The following SPINK4 variants were observed in gnomAD, a reference collection of about 807,000 sequenced individuals.
SPINK4 encodes serine protease inhibitor Kazal-type 4.
In SPINK4, 10 loss-of-function variants were observed where a neutral mutation model predicts 12.3. The ratio of observed to expected loss-of-function variants is 0.81; its 90% CI spans 0.50 to 1.37. SPINK4 has a LOEUF of 1.37. Among genes scored for constraint, SPINK4 ranks in the 40% most tolerant of loss-of-function variants. The pLI, the probability that SPINK4 is intolerant of heterozygous loss-of-function variation, is 0.00. For missense variants in SPINK4, 91 were observed against 109.0 expected, an observed-to-expected ratio of 0.84 and a Z score of 0.73; for synonymous variants, 37 against 40.2, an observed-to-expected ratio of 0.92 and a Z score of 0.30.
chr9:33,241,423 G>A (rs912515088), intron 1 of SPINK4, among the ~76,000 whole-genome samples: 3 of 152,174 alleles, frequency 2.0e-5, no homozygotes, highest in Admixed American at 6.5e-5. Context: ...GAAGCGGGGA[G>A]ACCAGTTAGG....
chr9:33,248,297 G>A, intron 3 of SPINK4, 129 bp from the exon 4 acceptor site: 3 of 858,882 alleles, frequency 3.5e-6, no homozygotes, highest in Non-Finnish European at 5.6e-6. Flanking sequence ...CTTGGGATCT[G>A]CCCTGTATCC....
At chr9:33,244,862 G>A (rs1820270700) in intron 1 of SPINK4, among the ~76,000 whole-genome samples, 1 of 152,122 alleles carries the variant, frequency 6.6e-6, no homozygotes, top group Admixed American at 6.5e-5. Context: ...AATTCCAGTG[G>A]GATCTAACTA....
At chr9:33,246,016 C>T (rs1820281583) in intron 2 of SPINK4, among the ~76,000 whole-genome samples, 3 of 152,180 alleles carry the variant, frequency 2.0e-5, no homozygotes, top group Non-Finnish European at 4.4e-5. Flanking sequence ...AATGCCAGTC[C>T]TGACTGAGTT....
intron 1 of SPINK4, among the ~76,000 whole-genome samples, chr9:33,243,008 T>C (rs1820252297): frequency 6.6e-6 from 1 of 152,074 alleles, no homozygotes; most frequent in Non-Finnish European, 1.5e-5. Context: ...CACAAGTAGC[T>C]GGGACTACAG....
chr9:33,244,172 T>G lies in SPINK4; in HGVS notation c.62-940T>G, dbSNP rs530639566. 1.8e-4 allele frequency among the ~76,000 whole-genome samples: 28 copies of G among 152,302 alleles called. No homozygotes were observed. The South Asian group carries it at 5.6e-3, about 30-fold the overall frequency. On this transcript the variant is annotated intron_variant, in intron 1 of 3. Transcript: ENST00000379721. ...TAGCTCCAGTTCCCTCATCCACCCA[T>G]CATGCTTGTCAGTCACATCACAGTT...
At position 33,240,219 on chromosome 9, in the gene SPINK4, G is replaced by A. The variant is rs201825170; in HGVS notation, c.11G>A (p.Arg4His). ...TATCCCAGGATCAGCATGGCCGTCC[G>A]CCAGTGGGTAATCGCCCTGGCCTTG... MAV[R>H]QWVIALALAA... The change falls in exon 1 of 4, where the codon CGC (arginine) becomes CAC (histidine). Residue 4 changes from arginine (R) to histidine (H), a missense_variant. Coordinates refer to ENST00000379721, the MANE Select transcript of SPINK4 (RefSeq NM_014471.3). 43 of 1,606,286 alleles carry A rather than the reference G, an allele frequency of 2.7e-5. No individual in the cohort carries two copies. The East Asian group carries it at 3.2e-4, about 12-fold the overall frequency.
intron 3 of SPINK4, 193 bp from the exon 4 acceptor site, chr9:33,248,233 C>A (rs2117888700): frequency 1.7e-6 from 1 of 585,304 alleles, no homozygotes; most frequent in African/African-American, 1.9e-5. Flanking sequence ...TAAAATCCCC[C>A]AGGGGAAGGG....
chr9:33,242,401 A>G (rs901275243), intron 1 of SPINK4, among the ~76,000 whole-genome samples: 1 of 151,988 alleles, frequency 6.6e-6, no homozygotes, highest in Non-Finnish European at 1.5e-5. Context: ...GGAGGGTATG[A>G]TTCGGCGGGA....
At position 33,248,460 on chromosome 9, in the gene SPINK4, G is replaced by A. The variant is rs765836314; in HGVS notation, c.250G>A (p.Gly84Ser). The A allele has an allele frequency of 1.2e-6, 2 of 1,614,086 alleles. No homozygotes were observed. The highest frequency in any genetic ancestry group is 1.7e-6 in the Non-Finnish European group (2 of 1,180,020). ...ACAGGACATCCAGATCATGAAAGATGGCAAATGCTGATCCCACAGGAGCAC... is the reference window on the plus strand; with the variant it reads ...ACAGGACATCCAGATCATGAAAGATAGCAAATGCTGATCCCACAGGAGCAC... Reference protein sequence around the residue: ...TKQDIQIMKDGKC With the variant: ...TKQDIQIMKDSKC Residue 84 changes from glycine to serine, a missense_variant, in exon 4 of 4, where the codon GGC becomes AGC. Transcript: ENST00000379721.
At position 33,240,220 on chromosome 9, in the gene SPINK4, C is replaced by T. The variant is rs1820218240; in HGVS notation, c.12C>T (p.Arg4=). ...ATCCCAGGATCAGCATGGCCGTCCG[C>T]CAGTGGGTAATCGCCCTGGCCTTGG... The part of the protein sequence containing the change: MAV[R]QWVIALALAA... Residue 4 remains arginine (R), a synonymous_variant, in exon 1 of 4, where the codon CGC becomes CGT. Coordinates refer to ENST00000379721, the MANE Select transcript of SPINK4 (RefSeq NM_014471.3). The T allele has an allele frequency of 1.9e-6, 3 of 1,607,104 alleles. No homozygotes were observed.
Sources: gnomAD v4.1 joint callset for allele counts (sites outside exome capture counted in the v4.1 genomes callset) on GRCh38, gnomAD v4.1.1 for gene constraint, MANE v1.5 for transcripts, NCBI Gene and HGNC (gene_info 2026-07-23, HGNC 2026-07-21) for gene names.